GPSM1: variants seen among roughly 807,000 people sequenced by gnomAD.
GPSM1 encodes the protein G protein-signaling modulator 1.
Under a neutral mutation model 70.5 loss-of-function variants are expected in GPSM1, and 48 were observed. The observed-to-expected ratio is 0.68, with a 90% CI of 0.54 to 0.87. GPSM1 has a LOEUF of 0.87. Ranked by LOEUF, GPSM1 falls within the 40% of genes least tolerant of loss-of-function variation. The pLI is 0.00. For synonymous variants in GPSM1, 416 were observed against 430.1 expected (o/e 0.97, Z 0.41); for missense variants, 981 against 972.6 (o/e 1.01, Z -0.11).
intron 1 of GPSM1, among the ~76,000 whole-genome samples, chr9:136,331,366 C>G (rs4075084): frequency 2.6e-4 from 36 of 140,870 alleles, no homozygotes; most frequent in Non-Finnish European, 5.4e-4. Flanking sequence ...GACTCTGAGC[C>G]CCCCCCCCCC....
intron 11 of GPSM1, chr9:136,354,961 G>A (rs1218027774): frequency 2.9e-6 from 3 of 1,045,436 alleles, no homozygotes; most frequent in Admixed American, 5.9e-5. Flanking sequence ...ACGGACAGAG[G>A]CCTGGACTGG....
At position 136,334,971 on chromosome 9, in the gene GPSM1, C is replaced by G. The variant is rs576015372; in HGVS notation, c.290+303C>G. Among the ~76,000 whole-genome samples, 7 of 152,294 alleles carry G rather than the reference C, an allele frequency of 4.6e-5. No individual in the cohort carries two copies. In the East Asian group the frequency reaches 1.4e-3, roughly 29 times the overall value. On this transcript the variant is annotated intron_variant, in intron 2 of 13. Coordinates refer to ENST00000440944, the MANE Select transcript of GPSM1 (RefSeq NM_001145638.3). ...ACAGGGCAAGCAGGGTCTAAGGGAA[C>G]GCAGTGGGGAAGCCCTCACCTGGAG...
At chr9:136,352,208 G>A (rs1244630487) in intron 11 of GPSM1, among the ~76,000 whole-genome samples, 4 of 50,344 alleles carry the variant, frequency 7.9e-5, no homozygotes, top group Admixed American at 2.0e-4. Context: ...ATGCTGCGCC[G>A]TTGCTGTTGG....
At chr9:136,357,195 G>A (rs1364109481) in intron 13 of GPSM1, among the ~76,000 whole-genome samples, 1 of 152,210 alleles carries the variant, frequency 6.6e-6, no homozygotes, top group Non-Finnish European at 1.5e-5. Flanking sequence ...TGGGGGTCTC[G>A]CCATCCCTGT....
chr9:136,336,250 T>A (rs1832232634), intron 3 of GPSM1, 149 bp downstream of exon 3: 7 of 973,326 alleles, frequency 7.2e-6, no homozygotes, highest in Non-Finnish European at 1.1e-5. Context: ...CCCGAGTGAC[T>A]CAGGAGAGTG....
At chr9:136,353,769 C>T (rs1331676780) in intron 11 of GPSM1, among the ~76,000 whole-genome samples, 1 of 152,130 alleles carries the variant, frequency 6.6e-6, no homozygotes, top group African/African-American at 2.4e-5. Context: ...GGCAGAGGCC[C>T]CCCGCGGCTG....
chr9:136,338,002 G>C, intron 6 of GPSM1, 41 bp downstream of exon 6: 1 of 1,341,210 alleles, frequency 7.5e-7, no homozygotes, highest in Non-Finnish European at 1.0e-6. Flanking sequence ...CAGCAGGCCG[G>C]GGGGGCTGGA....
At chr9:136,345,287 G>T (rs886114536) in intron 9 of GPSM1, among the ~76,000 whole-genome samples, 2 of 152,232 alleles carry the variant, frequency 1.3e-5, no homozygotes, top group African/African-American at 4.8e-5. Context: ...CCATGGGGCG[G>T]TGCTGGGAGA....
At chr9:136,339,309 C>G (rs1230908281) in intron 7 of GPSM1, among the ~76,000 whole-genome samples, 4 of 152,266 alleles carry the variant, frequency 2.6e-5, no homozygotes, top group Non-Finnish European at 4.4e-5. Context: ...ATAAAAACAA[C>G]CCCCTCACCC....
At chr9:136,333,043 A>G (rs1162606708) in intron 1 of GPSM1, among the ~76,000 whole-genome samples, 1 of 152,150 alleles carries the variant, frequency 6.6e-6, no homozygotes, top group Non-Finnish European at 1.5e-5. Context: ...AGTTTTAAAA[A>G]TGAAAAATGA....
intron 11 of GPSM1, chr9:136,354,903 T>C (rs1283811012): frequency 4.9e-6 from 5 of 1,016,156 alleles, no homozygotes; most frequent in Non-Finnish European, 5.9e-6. Flanking sequence ...CCGGGATGTC[T>C]GGGAAGTGTT....
chr9:136,355,068 GA>G (rs59335446), intron 11 of GPSM1: 32,590 of 402,904 alleles, frequency 0.081, 7,558 homozygotes, highest in East Asian at 0.25. Flanking sequence ...GCCGAGGGTG[GA>G]TGACACATCC....
chr9:136,336,203 T>C, intron 3 of GPSM1, 102 bp downstream of exon 3: 1 of 1,346,712 alleles, frequency 7.4e-7, no homozygotes, highest in Non-Finnish European at 1.0e-6. Flanking sequence ...ATCCAGCTCC[T>C]CATGGGAGGG....
intron 1 of GPSM1, chr9:136,332,021 TG>T: frequency 2.5e-6 from 1 of 398,276 alleles, no homozygotes; most frequent in Non-Finnish European, 4.4e-6. Flanking sequence ...CATCCCCTGC[TG>T]GGGAGGGCCC....
At chr9:136,351,980 T>A (rs1832675609) in intron 11 of GPSM1, among the ~76,000 whole-genome samples, 2 of 148,290 alleles carry the variant, frequency 1.3e-5, no homozygotes, top group Admixed American at 1.3e-4. Flanking sequence ...CCCTTCCCCC[T>A]CTGCTGGGGT....
chr9:136,357,812 G>C (rs539392818), intron 13 of GPSM1, among the ~76,000 whole-genome samples: 8 of 152,336 alleles, frequency 5.3e-5, no homozygotes, highest in Non-Finnish European at 1.2e-4. Context: ...GGTTGGTGGC[G>C]GGGCCACCAG....
chr9:136,355,658 C>T, intron 11 of GPSM1, 32 bp from the exon 12 acceptor site: 1 of 1,604,896 alleles, frequency 6.2e-7, no homozygotes, highest in African/African-American at 1.3e-5. Context: ...GCGGGGCTAG[C>T]TTTGGCTGCG....
At chr9:136,350,876 C>CA (rs1832643479) in intron 11 of GPSM1, among the ~76,000 whole-genome samples, 1 of 152,154 alleles carries the variant, frequency 6.6e-6, no homozygotes, top group South Asian at 2.1e-4. Flanking sequence ...GGGGGACAGA[C>CA]AGACTGGTGG....
Position 136,338,631 on chromosome 9 carries a change from T to A in GPSM1, c.895T>A (p.Tyr299Asn), listed in dbSNP as rs1207311431. Residue 299 changes from tyrosine (Y) to asparagine (N), a missense_variant, in exon 7 of 14, where the codon TAC (tyrosine) becomes AAC (asparagine). Physicochemically the swap from Tyr to Asn is moderately radical, Grantham distance 143 (BLOSUM62 -2). Coordinates refer to ENST00000440944, the MANE Select transcript of GPSM1 (RefSeq NM_001145638.3). ...GGCCTGCTACAGTCTGGGCAACACC[T>A]ACACGCTGCTGCAGGACTACGAGCG... ...AQACYSLGNT[Y>N]TLLQDYERAA... 2 of 1,607,754 alleles carry A rather than the reference T, an allele frequency of 1.2e-6. No individual in the cohort carries two copies. The highest frequency in any genetic ancestry group is 1.7e-6 in the Non-Finnish European group (2 of 1,178,264).
Sources: allele counts gnomAD v4.1 joint callset (sites outside exome capture counted in the v4.1 genomes callset), GRCh38; gene constraint gnomAD v4.1.1; transcripts MANE v1.5; gene names NCBI Gene and HGNC (gene_info 2026-07-23, HGNC 2026-07-21).